The following ZNF274 variants were observed in gnomAD, a reference collection of about 807,000 sequenced individuals.
The protein encoded by ZNF274 is neurotrophin receptor-interacting factor homolog.
ZNF274 carries 23 observed loss-of-function variants against 42.5 expected under a neutral mutation model. The observed-to-expected ratio is 0.54, with a 90% CI of 0.39 to 0.77. ZNF274 has a LOEUF of 0.77. Among genes scored for constraint, ZNF274 ranks in the 30% least tolerant of loss-of-function variants. ZNF274 has a pLI of 0.00. For missense variants in ZNF274, 679 were observed against 806.5 expected, an observed-to-expected ratio of 0.84 and a Z score of 1.91; for synonymous variants, 292 against 305.4, an observed-to-expected ratio of 0.96 and a Z score of 0.46.
chr19:58,202,896 G>C (rs1388198024), intron 4 of ZNF274, among the ~76,000 whole-genome samples: 1 of 152,112 alleles, frequency 6.6e-6, no homozygotes, highest in African/African-American at 2.4e-5. Context: ...CATGCAAAAG[G>C]TGCTTTATGA....
rs1435593164 is a variant in ZNF274, at chr19:58,210,032, C to G, written c.811C>G (p.Gln271Glu). Residue 271 changes from glutamine (Q) to glutamate (E), a missense_variant, in exon 6 of 8, where the codon CAG (glutamine) becomes GAG (glutamate). Around this residue, in one of 2 missense-constraint regions of ZNF274, gnomAD observed 456 missense variants for 590.1 expected, o/e 0.77. Transcript: ENST00000617501. ...GGTCACTGCCCAGCAGGAGGAGAAGCAGGAGGATGCAGCCATCTGCCCAGT... is the reference window on the plus strand; with the variant it reads ...GGTCACTGCCCAGCAGGAGGAGAAGGAGGAGGATGCAGCCATCTGCCCAGT... ...LEVTAQQEEK[Q>E]EDAAICPVTV... is the part of the protein sequence containing the mutation. 27 of 1,613,678 alleles carry G rather than the reference C, an allele frequency of 1.7e-5. No individual in the cohort carries two copies. The highest frequency in any genetic ancestry group is 2.1e-5 in the Non-Finnish European group (25 of 1,179,792).
At chr19:58,204,533 G>A (rs2075958305) in intron 4 of ZNF274, among the ~76,000 whole-genome samples, 2 of 151,982 alleles carry the variant, frequency 1.3e-5, no homozygotes, top group Admixed American at 1.3e-4. Context: ...GGGCCGAGGA[G>A]GGGTCTGTGC....
Position 58,212,863 on chromosome 19 carries a change from G to C in ZNF274, c.1682G>C (p.Arg561Thr). Residue 561 changes from arginine (R) to threonine (T), a missense_variant, in exon 8 of 8, where the codon AGA becomes ACA. This residue lies in a region of ZNF274 where 456 missense variants were observed against 590.1 expected (regional missense o/e 0.77). Coordinates refer to ENST00000617501, the MANE Select transcript of ZNF274 (RefSeq NM_133502.3). The surrounding 1 kb of genome is among the most constrained non-coding windows in gnomAD (Gnocchi z 4.6). Reference sequence around the variant, plus strand: ...CATCAGAGAGTTCATTCTGGAGAGAGACCATTTGAATGTCAGGAGTGTGGG... The same window carrying C: ...CATCAGAGAGTTCATTCTGGAGAGACACCATTTGAATGTCAGGAGTGTGGG... Reference protein sequence around the residue: ...TQHQRVHSGERPFECQECGRT... With the variant: ...TQHQRVHSGETPFECQECGRT... The C allele has an allele frequency of 6.2e-7, 1 of 1,614,028 alleles. No individual in the cohort carries two copies. The highest frequency in any genetic ancestry group is 8.5e-7 in the Non-Finnish European group (1 of 1,179,894).
At position 58,185,704 on chromosome 19, in the gene ZNF274, A is replaced by G. The variant is rs1600129256; in HGVS notation, c.34-8A>G. 7.0e-7 allele frequency: 1 copy of G among 1,437,598 alleles called. No homozygotes were observed. Among genetic ancestry groups the G allele is most frequent in the Non-Finnish European group, 9.2e-7 (1 of 1,089,608 alleles). 89.1% of individuals were successfully genotyped at this position (1,437,598 alleles called of 1,614,324 possible). ...GGCCTGTGGCTGAACAAGAATCTGG[A>G]TTTTTAGGAACCAGTGACCTTTGAA... On this transcript the variant is annotated splice_polypyrimidine_tract_variant and splice_region_variant and intron_variant, in intron 2 of 7. Transcript: ENST00000617501.
chr19:58,205,146 A>C (rs1480624333), intron 4 of ZNF274, among the ~76,000 whole-genome samples: 1 of 152,190 alleles, frequency 6.6e-6, no homozygotes, highest in African/African-American at 2.4e-5. Context: ...CAGTAGATTC[A>C]TCCCGTGAAA....
At position 58,212,815 on chromosome 19, in the gene ZNF274, T is replaced by C. The variant is rs777887556; in HGVS notation, c.1634T>C (p.Val545Ala). The change falls in exon 8 of 8, where the codon GTT (valine) becomes GCT (alanine). Residue 545 changes from valine (V) to alanine (A), a missense_variant. Physicochemically the swap from Val to Ala is moderately conservative, Grantham distance 64. This residue lies in a region of ZNF274 where 456 missense variants were observed against 590.1 expected (regional missense o/e 0.77). Transcript: ENST00000617501. The surrounding 1 kb of genome is among the most constrained non-coding windows in gnomAD (Gnocchi z 4.6). ...YVCQDCGKGF[V>A]QSSSLTQHQR... ...TGTCAAGACTGTGGGAAAGGATTTG[T>C]TCAGAGCTCTTCCCTCACACAGCAT... 1 of 1,614,010 alleles carries C rather than the reference T, an allele frequency of 6.2e-7. No homozygotes were observed. The highest frequency in any genetic ancestry group is 1.1e-5 in the South Asian group (1 of 91,090).
chr19:58,183,857 C>CT (rs2075661680), intron 1 of ZNF274, 64 bp from the exon 2 acceptor site: 5 of 1,157,682 alleles, frequency 4.3e-6, no homozygotes, highest in Non-Finnish European at 6.1e-6. Flanking sequence ...TGGGCGGAGG[C>CT]TGCGGTAGCT....
intron 4 of ZNF274, among the ~76,000 whole-genome samples, chr19:58,194,855 G>T (rs939712267): frequency 1.3e-5 from 2 of 152,032 alleles, no homozygotes; most frequent in African/African-American, 2.4e-5. Flanking sequence ...ACAAAAAATA[G>T]CCGGGCACGG....
rs752920648 is a variant in ZNF274 at position 58,206,736 on chromosome 19, G to T, written c.273G>T (p.Gln91His). ...QDTIPEYPEL[Q>H]LDPKLDPLPA... is the part of the protein sequence containing the mutation. ...GACTTACAGAGTATCCTGAGCTCCA[G>T]CTGGACCCTAAATTGGATCCTCTTC... The change falls in exon 5 of 8, where the codon CAG becomes CAT. Residue 91 changes from glutamine (Q) to histidine (H), a missense_variant. By Grantham distance (24) the Gln-to-His change is conservative. Transcript: ENST00000617501. The T allele has an allele frequency of 6.3e-7, 1 of 1,587,540 alleles. No individual in the cohort carries two copies. The highest frequency in any genetic ancestry group is 8.6e-7 in the Non-Finnish European group (1 of 1,167,078).
chr19:58,184,134 A>G (rs2075667037), intron 2 of ZNF274, 136 bp downstream of exon 2: 14 of 978,934 alleles, frequency 1.4e-5, no homozygotes, highest in East Asian at 2.6e-5. Flanking sequence ...TTGGTTGGGC[A>G]TGAGAGATCC....
At chr19:58,190,282 G>C (rs1052415258) in intron 4 of ZNF274, among the ~76,000 whole-genome samples, 1 of 151,784 alleles carries the variant, frequency 6.6e-6, no homozygotes, top group Non-Finnish European at 1.5e-5. Context: ...TGAGTAGCTG[G>C]GACTACAGGC....
In ZNF274 at chr19:58,185,765, A is replaced by C. The variant is rs745599340; in HGVS notation, c.87A>C (p.Gly29=). The change falls in exon 3 of 8, where the codon GGA becomes GGC. Residue 29 remains glycine (G), a synonymous_variant. Transcript: ENST00000617501. ...TGGGTTTTACCCCGGAAGAGTGGGG[A>C]CTGCTGGACCTCAAACAGAAGTCCC... ...VTLGFTPEEW[G]LLDLKQKSLY... is the part of the protein sequence containing the mutation. 9.2e-5 allele frequency: 135 copies of C among 1,459,514 alleles called. No individual in the cohort carries two copies. 90.4% of individuals were successfully genotyped at this position (1,459,514 alleles called of 1,614,324 possible). A position where few individuals can be genotyped will look rare whatever the true frequency, so the allele number is the denominator to read the frequency against.
chr19:58,187,014 G>C lies in ZNF274; in HGVS notation c.228G>C (p.Glu76Asp), dbSNP rs757955972. ...AGGCAGAAGATTTCTGGCCAGTGGA[G>C]AGAGGAATTCCTCAAGACACCATTC... ...LEEAEDFWPV[E>D]RGIPQDTIPE... The change falls in exon 4 of 8, where the codon GAG (glutamate) becomes GAC (aspartate). Residue 76 changes from glutamate (E) to aspartate (D), a missense_variant. By Grantham distance (45) the Glu-to-Asp change is conservative. Around this residue, in one of 2 missense-constraint regions of ZNF274, gnomAD observed 223 missense variants for 216.4 expected, o/e 1.03. Coordinates refer to ENST00000617501, the MANE Select transcript of ZNF274 (RefSeq NM_133502.3). 8 of 1,613,198 alleles carry C rather than the reference G, an allele frequency of 5.0e-6. No individual in the cohort carries two copies. The highest frequency in any genetic ancestry group is 6.8e-6 in the Non-Finnish European group (8 of 1,179,606).
At position 58,186,986 on chromosome 19, in the gene ZNF274, A is replaced by C; in HGVS notation, c.200A>C (p.Glu67Ala). The change falls in exon 4 of 8, where the codon GAG (glutamate) becomes GCG (alanine). Residue 67 changes from glutamate to alanine, a missense_variant. By Grantham distance (107) the Glu-to-Ala change is moderately radical (BLOSUM62 -1). Coordinates refer to ENST00000617501, the MANE Select transcript of ZNF274 (RefSeq NM_133502.3). Reference sequence around the variant, plus strand: ...AAACCAGATGTGGTATCTCAGTTAGAGGAGGCAGAAGATTTCTGGCCAGTG... The same window carrying C: ...AAACCAGATGTGGTATCTCAGTTAGCGGAGGCAGAAGATTTCTGGCCAGTG... ...LSKPDVVSQL[E>A]EAEDFWPVER... is the part of the protein sequence containing the mutation. The C allele has an allele frequency of 6.2e-7, 1 of 1,613,802 alleles. No individual in the cohort carries two copies. The highest frequency in any genetic ancestry group is 1.1e-5 in the South Asian group (1 of 90,966).
chr19:58,189,066 A>G (rs2075747856), intron 4 of ZNF274, among the ~76,000 whole-genome samples: 1 of 152,054 alleles, frequency 6.6e-6, no homozygotes, highest in South Asian at 2.1e-4. Flanking sequence ...AGTTGGACAT[A>G]TTTTATAAAT....
At chr19:58,205,114 T>C (rs1353948159) in intron 4 of ZNF274, among the ~76,000 whole-genome samples, 1 of 152,192 alleles carries the variant, frequency 6.6e-6, no homozygotes, top group African/African-American at 2.4e-5. Flanking sequence ...CCTCTATACC[T>C]ATCTTCATCT....
In ZNF274 at chr19:58,183,964, C is replaced by CT. The variant is rs752866638; in HGVS notation, c.-1dup. 198 of 1,595,310 alleles carry CT rather than the reference C, an allele frequency of 1.2e-4. No homozygotes were observed. Among genetic ancestry groups the CT allele is most frequent in the Non-Finnish European group, 1.6e-4 (192 of 1,170,908 alleles). ...CAGAGACACATTGAGAAGGAGGAAA[C>CT]TATGGCCTCCAGGCTTCCGACGGCC... On this transcript the variant is annotated 5_prime_UTR_variant, in exon 2 of 8. Coordinates refer to ENST00000617501, the MANE Select transcript of ZNF274 (RefSeq NM_133502.3).
chr19:58,210,445 TA>T (rs995208644), intron 6 of ZNF274: 4 of 177,646 alleles, frequency 2.3e-5, no homozygotes, highest in Middle Eastern at 2.3e-3. Flanking sequence ...TTATCTTTGG[TA>T]TCTGGGATTT....
At position 58,212,178 on chromosome 19, in the gene ZNF274, G is replaced by C; in HGVS notation, c.997G>C (p.Glu333Gln). The change falls in exon 8 of 8, where the codon GAA becomes CAA. Residue 333 changes from glutamate to glutamine, a missense_variant. Physicochemically the swap from Glu to Gln is conservative, Grantham distance 29 (BLOSUM62 2). Transcript: ENST00000617501. This position sits in a 1 kb window ranked among gnomAD's most constrained non-coding sequence, Gnocchi z 4.6. ...TTTTTCAGGGTGGGAGACTACACTGGAAAATAAAGAGTTAGCTCCAAATTC... is the reference window on the plus strand; with the variant it reads ...TTTTTCAGGGTGGGAGACTACACTGCAAAATAAAGAGTTAGCTCCAAATTC... ...LVSVGWETTLENKELAPNSDI... is the reference protein window; with the variant it reads ...LVSVGWETTLQNKELAPNSDI... 6.2e-7 allele frequency: 1 copy of C among 1,606,072 alleles called. No homozygotes were observed. Among genetic ancestry groups the C allele is most frequent in the South Asian group, 1.1e-5 (1 of 90,904 alleles).
Sources: allele counts gnomAD v4.1 joint callset (sites outside exome capture counted in the v4.1 genomes callset), GRCh38; gene constraint gnomAD v4.1.1; regional missense constraint gnomAD v4.1.1; non-coding constraint Gnocchi (gnomAD v3.1); transcripts MANE v1.5; gene names NCBI Gene and HGNC (gene_info 2026-07-23, HGNC 2026-07-21).